The following THRAP3 variants were observed in gnomAD, a reference collection of about 807,000 sequenced individuals.
The protein encoded by THRAP3 is thyroid hormone receptor-associated protein 3.
In THRAP3, 16 loss-of-function variants were observed where a neutral mutation model predicts 101.0. The ratio of observed to expected loss-of-function variants is 0.16; its 90% CI spans 0.11 to 0.24. The LOEUF (loss-of-function observed/expected upper bound fraction) is 0.24, where lower values mean the gene tolerates loss of function less well. Ranked by LOEUF, THRAP3 falls within the 10% of genes least tolerant of loss-of-function variation. The probability of loss-of-function intolerance (pLI) is 1.00; values close to 1 mark genes in which losing one functional copy is unlikely to be tolerated. For missense variants in THRAP3, 989 were observed against 1,202.7 expected, an observed-to-expected ratio of 0.82 and a Z score of 2.63; for synonymous variants, 407 against 422.6, an observed-to-expected ratio of 0.96 and a Z score of 0.45.
chr1:36,242,643 G>C (rs1169209269), intron 1 of THRAP3, among the ~76,000 whole-genome samples: 1 of 151,866 alleles, frequency 6.6e-6, no homozygotes, highest in Admixed American at 6.6e-5. Context: ...TAGTAGAGAC[G>C]GGGTTTCACT....
chr1:36,295,052 C>T (rs998384611), intron 8 of THRAP3, among the ~76,000 whole-genome samples: 2 of 151,912 alleles, frequency 1.3e-5, no homozygotes, highest in South Asian at 2.1e-4. Flanking sequence ...GGTGAAACCC[C>T]GTCTCTACTA....
intron 1 of THRAP3, among the ~76,000 whole-genome samples, chr1:36,228,460 G>A (rs1440981940): frequency 4.6e-5 from 7 of 152,348 alleles, no homozygotes; most frequent in East Asian, 3.9e-4. Flanking sequence ...GACCTCAATT[G>A]ATCCGACCGT....
At chr1:36,247,873 T>TC (rs1210853303) in intron 1 of THRAP3, among the ~76,000 whole-genome samples, 3 of 148,770 alleles carry the variant, frequency 2.0e-5, no homozygotes, top group African/African-American at 7.4e-5. Context: ...TCTTCATCTT[T>TC]TTTTTTTTTT....
intron 2 of THRAP3, among the ~76,000 whole-genome samples, chr1:36,274,368 A>G (rs1009914523): frequency 1.3e-5 from 2 of 152,190 alleles, no homozygotes; most frequent in Non-Finnish European, 2.9e-5. Context: ...CAGATTCAGC[A>G]CACACACTGT....
chr1:36,274,486 G>A (rs1645630294), intron 2 of THRAP3, among the ~76,000 whole-genome samples: 2 of 152,036 alleles, frequency 1.3e-5, no homozygotes, highest in African/African-American at 4.8e-5. Flanking sequence ...AAAAGTTGGA[G>A]GACTCACTTT....
rs1003460497 is a variant in THRAP3 at position 36,237,821 on chromosome 1, T to TG, written c.-135+13316_-135+13317insG. Among the ~76,000 whole-genome samples the TG allele has an allele frequency of 3.4e-4, 51 of 151,540 alleles. 2 individuals carry two copies. Among genetic ancestry groups the TG allele is most frequent in the Non-Finnish European group, 7.4e-5 (5 of 67,832 alleles). ...CAACTAGGTAGGAAATAGGTTTTTT[T>TG]TGTGTGTGTGTGTGTTTTTGGAGAC... On this transcript the variant is annotated intron_variant, in intron 1 of 11. Coordinates refer to ENST00000354618, the MANE Select transcript of THRAP3 (RefSeq NM_005119.4).
chr1:36,256,204 ATTATTG>A (rs200665528), intron 1 of THRAP3, among the ~76,000 whole-genome samples: 40,825 of 143,728 alleles, frequency 0.28, 6,801 homozygotes, highest in Middle Eastern at 0.45. Flanking sequence ...TATTATTATT[ATTATTG>A]TTATTATTGT....
In THRAP3 at chr1:36,304,288, G is replaced by T. The variant is rs1339910935; in HGVS notation, c.*271G>T. 9.0e-6 allele frequency: 3 copies of T among 331,594 alleles called. No individual in the cohort carries two copies. The East Asian group carries it at 1.4e-4, about 16-fold the overall frequency. 20.5% of individuals were successfully genotyped at this position (331,594 alleles called of 1,614,324 possible). On this transcript the variant is annotated 3_prime_UTR_variant, in exon 12 of 12. Transcript: ENST00000354618. ...TGTTTTTCTCATTTGTTGGTGTGTGGGGTGGGGGCAGGGGTAGGGCGGGAG... is the reference window on the plus strand; with the variant it reads ...TGTTTTTCTCATTTGTTGGTGTGTGTGGTGGGGGCAGGGGTAGGGCGGGAG...
At chr1:36,213,959 G>C in the THRAP3 span, among the ~76,000 whole-genome samples, 1 of 107,518 alleles carries the variant, frequency 9.3e-6, no homozygotes, top group African/African-American at 4.3e-5. Context: ...AAGAAAGAAA[G>C]AAGGAAAGAG....
intron 2 of THRAP3, among the ~76,000 whole-genome samples, chr1:36,277,370 T>C (rs1213309551): frequency 1.3e-5 from 2 of 150,712 alleles, no homozygotes; most frequent in African/African-American, 2.4e-5. Flanking sequence ...TGGCTACTTT[T>C]TGTATATTTA....
rs1570207436 is a variant in THRAP3 at position 36,224,451 on chromosome 1, T to G, written c.-189T>G. 6.5e-6 allele frequency: 1 copy of G among 153,042 alleles called. No homozygotes were observed. Among genetic ancestry groups the G allele is most frequent in the Admixed American group, 6.5e-5 (1 of 15,272 alleles). The allele number at this position is 153,042 out of a possible 1,614,324, so 9.5% of individuals were successfully genotyped here. A position where few individuals can be genotyped will look rare whatever the true frequency, so the allele number is the denominator to read the frequency against. On this transcript the variant is annotated 5_prime_UTR_variant, in exon 1 of 12. Coordinates refer to ENST00000354618, the MANE Select transcript of THRAP3 (RefSeq NM_005119.4). ...GGCGCGCTGTGGGGCGGGGGCGAGG[T>G]TCGGGCTGGTTGTTCCGTTGCGAGC... is the stretch of plus-strand genomic sequence containing the variant.
chr1:36,237,100 TG>T (rs1645099314), intron 1 of THRAP3, among the ~76,000 whole-genome samples: 1 of 149,510 alleles, frequency 6.7e-6, no homozygotes, highest in Admixed American at 6.7e-5. Context: ...CGCTTGAACC[TG>T]GGAGGTGGAG....
intron 1 of THRAP3, among the ~76,000 whole-genome samples, chr1:36,238,902 G>A (rs1250704773): frequency 2.0e-5 from 3 of 151,506 alleles, no homozygotes; most frequent in African/African-American, 4.8e-5. Flanking sequence ...CACCATGCCC[G>A]ACTGTTCTTT....
rs1389827723 is a variant in THRAP3, at chr1:36,270,233, A to G, written c.-32+10749A>G. ...GCGAGACCTTGTCTCTACAAAAAAT[A>G]CGAAAAGTTAGCCAGCTGTAGTGGC... On this transcript the variant is annotated intron_variant, in intron 2 of 11. Transcript: ENST00000354618. 2.6e-5 allele frequency among the ~76,000 whole-genome samples: 4 copies of G among 152,162 alleles called. No homozygotes were observed. In the South Asian group the frequency reaches 8.3e-4, roughly 32 times the overall value.
chr1:36,226,725 C>CT (rs1309827106), intron 1 of THRAP3, among the ~76,000 whole-genome samples: 1 of 152,084 alleles, frequency 6.6e-6, no homozygotes, highest in African/African-American at 2.4e-5. Flanking sequence ...CTATAAACAT[C>CT]TAAGATCTGT....
intron 11 of THRAP3, among the ~76,000 whole-genome samples, chr1:36,302,019 A>G (rs1320990002): frequency 2.0e-5 from 3 of 152,208 alleles, no homozygotes; most frequent in African/African-American, 4.8e-5. Flanking sequence ...GGATACAGCC[A>G]TAACCCTTCC....
intron 1 of THRAP3, among the ~76,000 whole-genome samples, chr1:36,237,485 A>AG (rs928122223): frequency 6.6e-6 from 1 of 151,060 alleles, no homozygotes; most frequent in Non-Finnish European, 1.5e-5. Context: ...AAAAAAAAAA[A>AG]AAAGGCTGGG....
At chr1:36,259,810 C>T (rs1296032178) in intron 2 of THRAP3, among the ~76,000 whole-genome samples, 1 of 151,166 alleles carries the variant, frequency 6.6e-6, no homozygotes, top group South Asian at 2.1e-4. Flanking sequence ...CCAGATGATT[C>T]GTTAATGGAA....
rs1288924056 is a variant in THRAP3, at chr1:36,288,799, TTTG to T, written c.1041-255_1041-253del. 2.1e-5 allele frequency: 21 copies of T among 985,344 alleles called. 1 individual carries two copies. Among genetic ancestry groups the T allele is most frequent in the South Asian group, 9.4e-5 (2 of 21,294 alleles). The allele number at this position is 985,344 out of a possible 1,614,324, so 61.0% of individuals were successfully genotyped here. ...GTTTTTGAGTATCCTAAAAATAACT[TTTG>T]TTGTTCTCTTTGGTTGCTTTTGTAA... is the stretch of plus-strand genomic sequence containing the variant. On this transcript the variant is annotated intron_variant, in intron 4 of 11. Coordinates refer to ENST00000354618, the MANE Select transcript of THRAP3 (RefSeq NM_005119.4).
Sources: allele counts gnomAD v4.1 joint callset (sites outside exome capture counted in the v4.1 genomes callset), GRCh38; gene constraint gnomAD v4.1.1; transcripts MANE v1.5; gene names NCBI Gene and HGNC (gene_info 2026-07-23, HGNC 2026-07-21).